The following TRPM3 variants were observed in gnomAD, a reference collection of about 807,000 sequenced individuals.
The protein encoded by TRPM3 is transient receptor potential cation channel subfamily M member 3.
TRPM3 carries 77 observed loss-of-function variants against 181.2 expected under a neutral mutation model. The observed-to-expected ratio is 0.42, with a 90% CI of 0.35 to 0.51. TRPM3 has a LOEUF of 0.51. Ranked by LOEUF, TRPM3 falls within the 20% of genes least tolerant of loss-of-function variation. TRPM3 has a pLI of 0.01. For missense variants in TRPM3, 1,759 were observed against 2,196.7 expected (o/e 0.80, Z 3.98); for synonymous variants, 745 against 796.4 (o/e 0.94, Z 1.09).
At chr9:71,116,926 C>G (rs1587403943) in intron 1 of TRPM3, among the ~76,000 whole-genome samples, 1 of 152,258 alleles carries the variant, frequency 6.6e-6, no homozygotes, top group East Asian at 1.9e-4. Context: ...GAATAATATT[C>G]TTTACTTTTG....
At chr9:70,570,156 G>C (rs17458569) in intron 22 of TRPM3, among the ~76,000 whole-genome samples, 1 of 151,468 alleles carries the variant, frequency 6.6e-6, no homozygotes, top group African/African-American at 2.4e-5. Flanking sequence ...GCAATCCATC[G>C]CTAGCCTAAC....
intron 6 of TRPM3, among the ~76,000 whole-genome samples, chr9:70,791,310 A>T (rs11142595): frequency 0.093 from 14,091 of 152,172 alleles, 734 homozygotes; most frequent in Non-Finnish European, 0.11. Context: ...GTACCACACA[A>T]GTTATTAAAC....
chr9:71,116,935 T>G (rs1420349294), intron 1 of TRPM3, among the ~76,000 whole-genome samples: 1 of 152,204 alleles, frequency 6.6e-6, no homozygotes, highest in Admixed American at 6.5e-5. Context: ...TCTTTACTTT[T>G]GTCAGTCCTA....
At chr9:71,292,264 T>A (rs2085878744) in intron 1 of TRPM3, among the ~76,000 whole-genome samples, 1 of 151,852 alleles carries the variant, frequency 6.6e-6, no homozygotes, top group Admixed American at 6.6e-5. Flanking sequence ...GAGGAGTCCA[T>A]TTAAAAGGAG....
chr9:71,364,665 G>A (rs533987351), intron 1 of TRPM3, among the ~76,000 whole-genome samples: 1 of 152,302 alleles, frequency 6.6e-6, no homozygotes, highest in South Asian at 2.1e-4. Context: ...GAGGTGGTAA[G>A]GACTTCATGG....
intron 1 of TRPM3, among the ~76,000 whole-genome samples, chr9:71,227,925 CTCTAT>C (rs1178827806): frequency 6.6e-5 from 10 of 152,040 alleles, no homozygotes; most frequent in Admixed American, 6.6e-4. Flanking sequence ...CTAATAGAAA[CTCTAT>C]TCTAACTATT....
At chr9:71,293,632 G>A (rs2086012300) in intron 1 of TRPM3, among the ~76,000 whole-genome samples, 1 of 151,212 alleles carries the variant, frequency 6.6e-6, no homozygotes, top group African/African-American at 2.4e-5. Context: ...ATATTGTAAA[G>A]GTATCAATCT....
At chr9:70,781,193 C>T (rs1303194575) in intron 7 of TRPM3, among the ~76,000 whole-genome samples, 2 of 151,792 alleles carry the variant, frequency 1.3e-5, no homozygotes, top group African/African-American at 4.8e-5. Flanking sequence ...GGGGTGGTGG[C>T]AGGTGCCTGT....
At position 71,411,974 on chromosome 9, in the gene TRPM3, T is replaced by C. The variant is rs2131459679; in HGVS notation, c.183+34679A>G. 2.6e-5 allele frequency among the ~76,000 whole-genome samples: 4 copies of C among 151,988 alleles called. No homozygotes were observed. The East Asian group carries it at 5.8e-4, about 22-fold the overall frequency. On this transcript the variant is annotated intron_variant, in intron 1 of 24. Transcript: ENST00000357533. ...CTACAACCATCTGATCTTTGACAAA[T>C]CTGATGAAAACAAGAAATGGGGAAA...
At chr9:70,540,497 A>T (rs1483689362) in intron 25 of TRPM3, among the ~76,000 whole-genome samples, 1 of 152,170 alleles carries the variant, frequency 6.6e-6, no homozygotes, top group South Asian at 2.1e-4. Context: ...ACTATAGAGA[A>T]AATTTGTAGG....
At chr9:71,135,936 C>T (rs955540174) in intron 1 of TRPM3, among the ~76,000 whole-genome samples, 2 of 152,196 alleles carry the variant, frequency 1.3e-5, no homozygotes, top group Non-Finnish European at 2.9e-5. Context: ...TTTGATGCCA[C>T]ACTTGCAGCA....
rs564572894 is a variant in TRPM3, at chr9:70,587,860, A to G, written c.3223+3171T>C. On this transcript the variant is annotated intron_variant, in intron 22 of 25. Transcript: ENST00000677713. ...AAGAAACCAGACAAACCAAAAAGGA[A>G]CCAACCACACAACAACAGCAAGTTG... is the stretch of plus-strand genomic sequence containing the variant. Among the ~76,000 whole-genome samples the G allele has an allele frequency of 3.3e-5, 5 of 152,344 alleles. No homozygotes were observed. The South Asian group carries it at 1.0e-3, about 32-fold the overall frequency.
At chr9:71,347,645 G>A (rs76014693) in intron 1 of TRPM3, among the ~76,000 whole-genome samples, 2,147 of 152,174 alleles carry the variant, frequency 0.014, 53 homozygotes, top group East Asian at 0.11. Flanking sequence ...GCCAGGTGAG[G>A]TGGCTCATGC....
chr9:71,386,519 A>G (rs1488312354), intron 1 of TRPM3, among the ~76,000 whole-genome samples: 2 of 152,050 alleles, frequency 1.3e-5, no homozygotes, highest in Non-Finnish European at 2.9e-5. Context: ...CAAAACTAAT[A>G]AGAATAAGCC....
At chr9:71,350,544 A>C (rs1038298254) in intron 1 of TRPM3, among the ~76,000 whole-genome samples, 1 of 152,190 alleles carries the variant, frequency 6.6e-6, no homozygotes, top group Non-Finnish European at 1.5e-5. Flanking sequence ...TTGCATTTTC[A>C]GTTTCACAGA....
At chr9:71,285,227 C>T (rs2085180550) in intron 1 of TRPM3, among the ~76,000 whole-genome samples, 1 of 152,212 alleles carries the variant, frequency 6.6e-6, no homozygotes, top group African/African-American at 2.4e-5. Context: ...ACCCTAACTC[C>T]TCCAATCCTG....
At chr9:71,342,153 A>G (rs1015702319) in intron 1 of TRPM3, among the ~76,000 whole-genome samples, 1 of 149,998 alleles carries the variant, frequency 6.7e-6, no homozygotes. Flanking sequence ...ACTTTTAAAT[A>G]TCACTTTTAA....
intron 18 of TRPM3, among the ~76,000 whole-genome samples, chr9:70,614,367 A>G (rs746047469): frequency 4.0e-5 from 6 of 150,666 alleles, no homozygotes; most frequent in Non-Finnish European, 8.8e-5. Context: ...CTGCATTCCC[A>G]GCTACTTGGG....
chr9:71,368,831 G>C (rs112044687), intron 1 of TRPM3, among the ~76,000 whole-genome samples: 6 of 152,086 alleles, frequency 3.9e-5, no homozygotes, highest in African/African-American at 7.2e-5. Flanking sequence ...TTGACAACTT[G>C]TAATAAATAT....
Sources: allele counts gnomAD v4.1 joint callset (sites outside exome capture counted in the v4.1 genomes callset), GRCh38; gene constraint gnomAD v4.1.1; transcripts MANE v1.5; gene names NCBI Gene and HGNC (gene_info 2026-07-23, HGNC 2026-07-21).